Variants in CHEK2 observed in about 807,000 individuals in gnomAD.
CHEK2 encodes checkpoint kinase 2.
CHEK2 carries 71 observed loss-of-function variants against 69.1 expected under a neutral mutation model. The ratio of observed to expected loss-of-function variants is 1.03; its 90% CI spans 0.85 to 1.25. The LOEUF (loss-of-function observed/expected upper bound fraction) is 1.25, where lower values mean the gene tolerates loss of function less well. Among genes scored for constraint, CHEK2 ranks in the 50% most tolerant of loss-of-function variants. The pLI is 0.00. For missense variants in CHEK2, 664 were observed against 649.6 expected, an observed-to-expected ratio of 1.02 and a Z score of -0.24; for synonymous variants, 189 against 226.9, an observed-to-expected ratio of 0.83 and a Z score of 1.50.
intron 8 of CHEK2, among the ~76,000 whole-genome samples, chr22:28,702,585 G>C (rs1330202409): frequency 7.8e-6 from 1 of 128,906 alleles, no homozygotes; most frequent in Non-Finnish European, 1.6e-5. Context: ...CTCACTCTGT[G>C]GCCCAGGCTG....
At chr22:28,708,346 A>C (rs1304684422) in intron 7 of CHEK2, among the ~76,000 whole-genome samples, 2 of 137,996 alleles carry the variant, frequency 1.4e-5, no homozygotes, top group Non-Finnish European at 3.2e-5. Context: ...TAACAGAGAC[A>C]GACTGTCTCT....
rs528559071 is a variant in CHEK2 at position 28,729,976 on chromosome 22, A to G, written c.319+4427T>C. 6.6e-5 allele frequency among the ~76,000 whole-genome samples: 10 copies of G among 151,642 alleles called. No homozygotes were observed. The East Asian group carries it at 1.8e-3, about 27-fold the overall frequency. On this transcript the variant is annotated intron_variant, in intron 2 of 14. Transcript: ENST00000404276. ...CTCACTCTATCACCAACTAGCTGGAACTACAGGCTCCTGCCACCACGCCCG... is the reference window on the plus strand; with the variant it reads ...CTCACTCTATCACCAACTAGCTGGAGCTACAGGCTCCTGCCACCACGCCCG...
At chr22:28,707,343 A>G (rs770730044) in intron 7 of CHEK2, among the ~76,000 whole-genome samples, 9 of 152,202 alleles carry the variant, frequency 5.9e-5, no homozygotes, top group Admixed American at 3.3e-4. Context: ...TGACATAAGT[A>G]TTCTTATTGT....
chr22:28,711,790 A>G (rs1460424130), intron 6 of CHEK2, 119 bp downstream of exon 6: 1 of 744,930 alleles, frequency 1.3e-6, no homozygotes, highest in Non-Finnish European at 2.3e-6. Flanking sequence ...TGATACTCAC[A>G]AATTCATCCA....
chr22:28,737,375 G>A, intron 1 of CHEK2: 2 of 422,420 alleles, frequency 4.7e-6, no homozygotes, highest in Non-Finnish European at 9.5e-6. Flanking sequence ...TATCCAAATT[G>A]CCAGCATCTT....
At chr22:28,728,671 C>T (rs1383908521) in intron 2 of CHEK2, among the ~76,000 whole-genome samples, 1 of 151,974 alleles carries the variant, frequency 6.6e-6, no homozygotes, top group Non-Finnish European at 1.5e-5. Context: ...CACTGCACTC[C>T]AGCCTGGGTG....
chr22:28,724,844 G>A (rs2053928844), intron 4 of CHEK2, 133 bp downstream of exon 4: 2 of 939,422 alleles, frequency 2.1e-6, no homozygotes, highest in Non-Finnish European at 3.4e-6. Context: ...GGGATTACAG[G>A]TGTGAGCCAC....
chr22:28,707,073 G>T (rs980619709), intron 7 of CHEK2, among the ~76,000 whole-genome samples: 1 of 152,210 alleles, frequency 6.6e-6, no homozygotes, highest in Non-Finnish European at 1.5e-5. Flanking sequence ...GGAGCTAACA[G>T]AGCATGAAGA....
chr22:28,730,720 T>C (rs2054189072), intron 2 of CHEK2, among the ~76,000 whole-genome samples: 1 of 151,790 alleles, frequency 6.6e-6, no homozygotes, highest in African/African-American at 2.4e-5. Context: ...TAGCCAGGCA[T>C]GGTGGCATAA....
chr22:28,728,393 CAG>C (rs1410828404), intron 2 of CHEK2, among the ~76,000 whole-genome samples: 2 of 152,040 alleles, frequency 1.3e-5, no homozygotes, highest in Non-Finnish European at 2.9e-5. Flanking sequence ...CAAGAAGAAA[CAG>C]AAAATCTGAA....
rs1296957097 is a variant in CHEK2 at position 28,719,401 on chromosome 22, A to G, written c.677T>C (p.Leu226Pro). ...ATATAAGAAAATAATTTACCTTCCA[A>G]GAGTTTTTGACATGATGTATTCATC... is the stretch of plus-strand genomic sequence containing the variant. Reference protein sequence around the residue: ...LRDEYIMSKTLGSGACGEVKL... With the variant: ...LRDEYIMSKTPGSGACGEVKL... Residue 226 changes from leucine to proline, a missense_variant, in exon 5 of 15, where the codon CTT becomes CCT. Coordinates refer to ENST00000404276, the MANE Select transcript of CHEK2 (RefSeq NM_007194.4). The G allele has an allele frequency of 6.4e-7, 1 of 1,569,420 alleles. No individual in the cohort carries two copies. The highest frequency in any genetic ancestry group is 1.2e-5 in the South Asian group (1 of 86,794).
intron 4 of CHEK2, among the ~76,000 whole-genome samples, chr22:28,719,787 A>G (rs2053708697): frequency 6.6e-6 from 1 of 152,238 alleles, no homozygotes; most frequent in South Asian, 2.1e-4. Flanking sequence ...ACCTCAGAAT[A>G]TCAATCAATT....
At chr22:28,735,346 C>T (rs1424807861) in intron 1 of CHEK2, among the ~76,000 whole-genome samples, 1 of 151,632 alleles carries the variant, frequency 6.6e-6, no homozygotes, top group Non-Finnish European at 1.5e-5. Context: ...GCAGAGGTTG[C>T]AGTGAACCAA....
At chr22:28,715,942 T>C (rs2053571862) in intron 5 of CHEK2, among the ~76,000 whole-genome samples, 1 of 151,854 alleles carries the variant, frequency 6.6e-6, no homozygotes, top group Non-Finnish European at 1.5e-5. Flanking sequence ...GATGGCTCAC[T>C]GCAGCCTCCA....
rs876660898 is a variant in CHEK2, at chr22:28,689,155, G to A, written c.1522C>T (p.Leu508=). Residue 508 remains leucine (L), a synonymous_variant, in exon 14 of 15, where the codon CTA becomes TTA. Transcript: ENST00000404276. The part of the protein sequence containing the change: ...LLSEENESTA[L]PQVLAQPSTS... ...AATACCTGGGCTAGAACCTGGGGTA[G>A]AGCTGTGGATTCATTTTCCTCAGAC... 1 of 1,594,884 alleles carries A rather than the reference G, an allele frequency of 6.3e-7. No individual in the cohort carries two copies. The highest frequency in any genetic ancestry group is 1.3e-5 in the African/African-American group (1 of 74,822).
In CHEK2 at chr22:28,695,184, T is replaced by G. The variant is rs587780176; in HGVS notation, c.1318A>C (p.Ile440Leu). 4.3e-6 allele frequency: 7 copies of G among 1,613,538 alleles called. No individual in the cohort carries two copies. Among genetic ancestry groups the G allele is most frequent in the East Asian group, 2.2e-5 (1 of 44,888 alleles). ...ATGAAGTTGTATTTTCCACTGGTGATCTGATCCTTCAGTGACACTTGAGTC... is the reference window on the plus strand; with the variant it reads ...ATGAAGTTGTATTTTCCACTGGTGAGCTGATCCTTCAGTGACACTTGAGTC... The part of the protein sequence containing the change: ...HRTQVSLKDQ[I>L]TSGKYNFIPE... The change falls in exon 12 of 15, where the codon ATC becomes CTC. Residue 440 changes from isoleucine to leucine, a missense_variant. Coordinates refer to ENST00000404276, the MANE Select transcript of CHEK2 (RefSeq NM_007194.4).
At chr22:28,717,236 G>A (rs957578520) in intron 5 of CHEK2, among the ~76,000 whole-genome samples, 6 of 152,018 alleles carry the variant, frequency 3.9e-5, no homozygotes, top group Non-Finnish European at 8.8e-5. Context: ...AAATTAGCTG[G>A]GTGTGGTGGC....
chr22:28,699,919 C>G lies in CHEK2; in HGVS notation c.927G>C (p.Leu309=), dbSNP rs746952353. 2 of 1,613,910 alleles carry G rather than the reference C, an allele frequency of 1.2e-6. No individual in the cohort carries two copies. Among genetic ancestry groups the G allele is most frequent in the South Asian group, 1.1e-5 (1 of 91,054 alleles). ...GTTTATTCCCCACCACTTTGTCAAA[C>G]AGCTCTCCCCCTTCCATCCTGAAAC... is the stretch of plus-strand genomic sequence containing the variant. The part of the protein sequence containing the change: ...IVLELMEGGE[L]FDKVVGNKRL... Residue 309 remains leucine (L), a synonymous_variant, in exon 9 of 15, where the codon CTG becomes CTC. Transcript: ENST00000404276.
At chr22:28,707,830 C>CTTTTTTTTTTTTTTTTTTTTTT (rs11453597) in intron 7 of CHEK2, among the ~76,000 whole-genome samples, 1 of 102,464 alleles carries the variant, frequency 9.8e-6, no homozygotes. Flanking sequence ...TTGTGTTTAT[C>CTTTTTTTTTTTTTTTTTTTTTT]TTTTTTTTTT....
Sources: gnomAD v4.1 joint callset for allele counts (sites outside exome capture counted in the v4.1 genomes callset) on GRCh38, gnomAD v4.1.1 for gene constraint, MANE v1.5 for transcripts, NCBI Gene and HGNC (gene_info 2026-07-23, HGNC 2026-07-21) for gene names.